PDZD2: variants seen among roughly 807,000 people sequenced by gnomAD.
PDZD2 encodes the protein PDZ domain-containing protein 2.
PDZD2 carries 90 observed loss-of-function variants against 220.7 expected under a neutral mutation model. That is an observed-to-expected ratio of 0.41 (90% CI 0.34 to 0.49). The LOEUF (loss-of-function observed/expected upper bound fraction) is 0.49, where lower values mean the gene tolerates loss of function less well. PDZD2 is among the 20% of genes least tolerant of loss of function. The pLI, the probability that PDZD2 is intolerant of heterozygous loss-of-function variation, is 0.28. For synonymous variants in PDZD2, 1,375 were observed against 1,450.5 expected (o/e 0.95, Z 1.18); for missense variants, 3,174 against 3,608.5 (o/e 0.88, Z 3.08).
At chr5:31,680,776 G>C (rs1304609182) in intron 1 of PDZD2, among the ~76,000 whole-genome samples, 3 of 152,064 alleles carry the variant, frequency 2.0e-5, no homozygotes, top group African/African-American at 4.8e-5. Context: ...ATCCCTGACC[G>C]GGCGCCAGGC....
At chr5:32,102,495 GTC>G (rs1481185626) in intron 24 of PDZD2, among the ~76,000 whole-genome samples, 44 of 151,554 alleles carry the variant, frequency 2.9e-4, no homozygotes, top group Admixed American at 2.9e-3. Flanking sequence ...CAGGAGTCAG[GTC>G]TCTGTTATGT....
chr5:31,906,504 G>A (rs920896727), intron 2 of PDZD2, among the ~76,000 whole-genome samples: 4 of 151,842 alleles, frequency 2.6e-5, no homozygotes, highest in Admixed American at 6.6e-5. Context: ...GCCACCATGC[G>A]CGGCCTTAGT....
Position 32,107,999 on chromosome 5 carries a change from A to G in PDZD2, c.8384A>G (p.Glu2795Gly). Reference sequence around the variant, plus strand: ...GCGGCTGAACAAGCTGGAATAATAGAAGCTGGAGATGAAATTCTTGCTATT... The same window carrying G: ...GCGGCTGAACAAGCTGGAATAATAGGAGCTGGAGATGAAATTCTTGCTATT... ...GGAAEQAGII[E>G]AGDEILAING... The change falls in exon 25 of 25, where the codon GAA becomes GGA. Residue 2795 changes from glutamate (E) to glycine (G), a missense_variant. Transcript: ENST00000438447. 1 of 1,613,358 alleles carries G rather than the reference A, an allele frequency of 6.2e-7. No homozygotes were observed. The highest frequency in any genetic ancestry group is 1.1e-5 in the South Asian group (1 of 91,032).
intron 1 of PDZD2, among the ~76,000 whole-genome samples, chr5:31,769,676 T>TA (rs1187099357): frequency 6.6e-6 from 1 of 152,248 alleles, no homozygotes; most frequent in Non-Finnish European, 1.5e-5. Context: ...AATTAATTTT[T>TA]AATGCAAAAT....
At chr5:31,680,087 A>C (rs193063553) in intron 1 of PDZD2, among the ~76,000 whole-genome samples, 7 of 152,358 alleles carry the variant, frequency 4.6e-5, no homozygotes, top group Admixed American at 3.9e-4. Context: ...CCTCGCATTC[A>C]TGAAATGATT....
rs1743018186 is a variant in PDZD2, at chr5:32,090,559, A to G, written c.7111A>G (p.Arg2371Gly). 1 of 1,613,860 alleles carries G rather than the reference A, an allele frequency of 6.2e-7. No individual in the cohort carries two copies. The highest frequency in any genetic ancestry group is 8.5e-7 in the Non-Finnish European group (1 of 1,179,970). The change falls in exon 20 of 25, where the codon AGG becomes GGG. Residue 2371 changes from arginine to glycine, a missense_variant. Arg to Gly is a moderately radical substitution (Grantham distance 125). Coordinates refer to ENST00000438447, the MANE Select transcript of PDZD2 (RefSeq NM_178140.4). The surrounding 1 kb of genome is among the most constrained non-coding windows in gnomAD (Gnocchi z 4.3). Reference sequence around the variant, plus strand: ...GGTGAGCTCCAAGCCTCCCATTGGGAGGCGGTCTTCCGGCAGCATTGTTTC... The same window carrying G: ...GGTGAGCTCCAAGCCTCCCATTGGGGGGCGGTCTTCCGGCAGCATTGTTTC... ...LSVSSKPPIGRRSSGSIVSGS... is the reference protein window; with the variant it reads ...LSVSSKPPIGGRSSGSIVSGS...
intron 2 of PDZD2, among the ~76,000 whole-genome samples, chr5:31,871,679 C>G (rs963576606): frequency 6.6e-6 from 1 of 151,930 alleles, no homozygotes; most frequent in Non-Finnish European, 1.5e-5. Flanking sequence ...GAACTCCTGA[C>G]CTCAAGTGAT....
chr5:31,929,034 C>G (rs1439655260), intron 2 of PDZD2, among the ~76,000 whole-genome samples: 1 of 152,164 alleles, frequency 6.6e-6, no homozygotes. Context: ...TTGATCCATA[C>G]TTGCAATGAA....
intron 2 of PDZD2, among the ~76,000 whole-genome samples, chr5:31,932,527 C>T (rs530278628): frequency 3.4e-5 from 5 of 148,000 alleles, no homozygotes; most frequent in African/African-American, 7.6e-5. Context: ...CCAGCCTGGG[C>T]GACAGAGCAA....
intron 2 of PDZD2, among the ~76,000 whole-genome samples, chr5:31,910,070 A>G (rs1743032651): frequency 1.3e-5 from 2 of 152,148 alleles, no homozygotes; most frequent in South Asian, 4.2e-4. Context: ...ATGCAGAGAA[A>G]TCTGTGAGAT....
intron 1 of PDZD2, among the ~76,000 whole-genome samples, chr5:31,730,552 G>A (rs1183084433): frequency 7.7e-6 from 1 of 130,182 alleles, no homozygotes; most frequent in Non-Finnish European, 1.6e-5. Context: ...GCCACCAGGA[G>A]TTTGTGTGTG....
At chr5:31,849,871 C>T (rs1485359889) in intron 2 of PDZD2, among the ~76,000 whole-genome samples, 7 of 50,534 alleles carry the variant, frequency 1.4e-4, no homozygotes, top group African/African-American at 1.3e-3. Flanking sequence ...TATATATATA[C>T]ATATATATAT....
At chr5:31,778,963 C>A (rs1752886283) in intron 1 of PDZD2, among the ~76,000 whole-genome samples, 1 of 152,152 alleles carries the variant, frequency 6.6e-6, no homozygotes, top group South Asian at 2.1e-4. Flanking sequence ...AACAAAACTA[C>A]TTTGTAACCT....
In PDZD2 at chr5:31,825,239, T is replaced by C. The variant is rs148890428; in HGVS notation, c.476+25515T>C. Among the ~76,000 whole-genome samples the C allele has an allele frequency of 1.6e-3, 239 of 152,338 alleles. 2 individuals carry two copies. The highest frequency in any genetic ancestry group is 3.4e-3 in the Middle Eastern group (1 of 294). ...CCAAACGGAACCACATCTGGATTCA[T>C]GTCCAGAAAGAGTCAGAGCCACATG... On this transcript the variant is annotated intron_variant, in intron 2 of 24. Transcript: ENST00000438447.
At chr5:32,006,935 A>ATCT (rs1561328463) in intron 5 of PDZD2, among the ~76,000 whole-genome samples, 1 of 45,010 alleles carries the variant, frequency 2.2e-5, no homozygotes, top group Non-Finnish European at 4.7e-5. Context: ...TTTTTTTTTG[A>ATCT]GACGGAGTCT....
At chr5:32,086,005 T>G (rs1260400250) in intron 19 of PDZD2, among the ~76,000 whole-genome samples, 2 of 152,096 alleles carry the variant, frequency 1.3e-5, no homozygotes, top group East Asian at 3.8e-4. Context: ...CTGGCCAAAC[T>G]CCCCTTGTCA....
At chr5:31,907,914 C>G (rs527798360) in intron 2 of PDZD2, among the ~76,000 whole-genome samples, 3 of 151,818 alleles carry the variant, frequency 2.0e-5, no homozygotes, top group African/African-American at 7.3e-5. Flanking sequence ...GAAACCCCGT[C>G]TTTACTAAAA....
chr5:31,686,967 G>A (rs368708612), intron 1 of PDZD2, among the ~76,000 whole-genome samples: 4 of 152,136 alleles, frequency 2.6e-5, no homozygotes, highest in African/African-American at 7.2e-5. Flanking sequence ...CCTGCCATGC[G>A]TGCAGGGCTG....
intron 2 of PDZD2, among the ~76,000 whole-genome samples, chr5:31,803,638 G>C (rs1225900420): frequency 6.6e-6 from 1 of 152,076 alleles, no homozygotes; most frequent in African/African-American, 2.4e-5. Context: ...TGGTTTGTAT[G>C]TTAAAGCTCT....
Sources: allele counts gnomAD v4.1 joint callset (sites outside exome capture counted in the v4.1 genomes callset), GRCh38; gene constraint gnomAD v4.1.1; non-coding constraint Gnocchi (gnomAD v3.1); transcripts MANE v1.5; gene names NCBI Gene and HGNC (gene_info 2026-07-23, HGNC 2026-07-21).